The following DNAH3 variants were observed in gnomAD, a reference collection of about 807,000 sequenced individuals.
DNAH3 encodes axonemal beta dynein heavy chain 3.
In DNAH3, 332 loss-of-function variants were observed where a neutral mutation model predicts 432.5. The ratio of observed to expected loss-of-function variants is 0.77; its 90% CI spans 0.70 to 0.84. DNAH3 has a LOEUF of 0.84. Ranked by LOEUF, DNAH3 falls within the 40% of genes least tolerant of loss-of-function variation. The probability of loss-of-function intolerance (pLI) is 0.00; values close to 1 mark genes in which losing one functional copy is unlikely to be tolerated. For synonymous variants in DNAH3, 1,956 were observed against 1,900.2 expected (o/e 1.03, Z -0.76); for missense variants, 4,861 against 5,114.0 (o/e 0.95, Z 1.51).
chr16:21,034,379 G>A (rs555589264), intron 35 of DNAH3, among the ~76,000 whole-genome samples: 1 of 152,238 alleles, frequency 6.6e-6, no homozygotes, highest in South Asian at 2.1e-4. Flanking sequence ...CAATATCATT[G>A]ACCACCTTTT....
intron 15 of DNAH3, 37 bp from the exon 16 acceptor site, chr16:21,104,631 T>C (rs549167988): frequency 3.9e-6 from 5 of 1,284,100 alleles, no homozygotes; most frequent in South Asian, 3.6e-5. Flanking sequence ...GGACACTGTT[T>C]AGCATAGGTC....
chr16:20,964,420 A>T, exon 53 of DNAH3: 1 of 1,614,162 alleles, frequency 6.2e-7, no homozygotes, highest in Non-Finnish European at 8.5e-7. Context: ...ACCCAGCCTC[A>T]TGTACTCAAC....
At chr16:21,129,691 C>T (rs778312115) in intron 7 of DNAH3, among the ~76,000 whole-genome samples, 8 of 151,808 alleles carry the variant, frequency 5.3e-5, no homozygotes, top group Admixed American at 2.0e-4. Context: ...GAGTCGAGAC[C>T]GCACCACTGC....
At chr16:21,098,007 G>C (rs1227064958) in intron 17 of DNAH3, among the ~76,000 whole-genome samples, 2 of 152,174 alleles carry the variant, frequency 1.3e-5, no homozygotes, top group Non-Finnish European at 2.9e-5. Context: ...TATTGCATAT[G>C]AAGCTCTTGA....
chr16:20,938,355 A>G (rs543590409), intron 59 of DNAH3, among the ~76,000 whole-genome samples: 1 of 151,406 alleles, frequency 6.6e-6, no homozygotes, highest in Non-Finnish European at 1.5e-5. Flanking sequence ...ACGCCATTGC[A>G]CTCCAGCCTG....
Position 21,060,370 on chromosome 16 carries a change from C to T in DNAH3, c.3721-14G>A, listed in dbSNP as rs2090302378. The T allele has an allele frequency of 6.2e-7, 1 of 1,609,380 alleles. No homozygotes were observed. Among genetic ancestry groups the T allele is most frequent in the Non-Finnish European group, 8.5e-7 (1 of 1,176,228 alleles). The stretch of plus-strand genomic sequence containing the variant: ...TTCCACCATGCCCTATGGAGCAAGA[C>T]AGAGAGAGGGTGCAGCAGTCAACCA... On this transcript the variant is annotated splice_polypyrimidine_tract_variant and intron_variant, in intron 25 of 61. Coordinates refer to ENST00000261383, the Ensembl canonical transcript of DNAH3.
At position 21,125,372 on chromosome 16, in the gene DNAH3, T is replaced by C; in HGVS notation, c.1209-2A>G. ...AGCTGGGCGCAGGTGGGGATCCACC[T>C]GTAAAGACAGAAGGGTGTCCATGTG... On this transcript the variant is annotated splice_acceptor_variant, in intron 8 of 61. Coordinates refer to ENST00000261383, the Ensembl canonical transcript of DNAH3. LOFTEE classifies it high-confidence loss of function. 6.3e-7 allele frequency: 1 copy of C among 1,591,850 alleles called. No individual in the cohort carries two copies. Among genetic ancestry groups the C allele is most frequent in the African/African-American group, 1.3e-5 (1 of 74,430 alleles).
Position 21,100,292 on chromosome 16 carries a change from G to A in DNAH3, c.2367-1523C>T, listed in dbSNP as rs184305653. Reference sequence around the variant, plus strand: ...TCACCATGTTGGCCAGGCTAGTCTCGAACTCCTGACCTCAGGTGATTCGCC... The same window carrying A: ...TCACCATGTTGGCCAGGCTAGTCTCAAACTCCTGACCTCAGGTGATTCGCC... On this transcript the variant is annotated intron_variant, in intron 16 of 61. Coordinates refer to ENST00000261383, the Ensembl canonical transcript of DNAH3. Among the ~76,000 whole-genome samples the A allele has an allele frequency of 7.2e-3, 1,089 of 152,176 alleles. 16 individuals carry two copies. The highest frequency in any genetic ancestry group is 0.025 in the African/African-American group (1,024 of 41,506).
chr16:20,987,224 A>AG (rs1395618855), intron 47 of DNAH3, 81 bp downstream of exon 47: 1 of 1,553,054 alleles, frequency 6.4e-7, no homozygotes, highest in East Asian at 2.3e-5. Context: ...TCCAACAGGA[A>AG]GGGAACCTGA....
rs550490800 is a variant in DNAH3 at position 21,006,551 on chromosome 16, C to T, written c.6023-3344G>A. Among the ~76,000 whole-genome samples, 3 of 152,326 alleles carry T rather than the reference C, an allele frequency of 2.0e-5. No individual in the cohort carries two copies. The South Asian group carries it at 6.2e-4, about 32-fold the overall frequency. ...CTCTTAGCCGTCACCTGCCAAATCCCTCTCCCACCCACTTCATACCCTGGC... is the reference window on the plus strand; with the variant it reads ...CTCTTAGCCGTCACCTGCCAAATCCTTCTCCCACCCACTTCATACCCTGGC... On this transcript the variant is annotated intron_variant, in intron 41 of 61. Coordinates refer to ENST00000261383, the Ensembl canonical transcript of DNAH3.
At chr16:21,132,769 G>T (rs7185703) in intron 7 of DNAH3, among the ~76,000 whole-genome samples, 208 of 152,256 alleles carry the variant, frequency 1.4e-3, no homozygotes, top group African/African-American at 4.8e-3. Context: ...CTGCTAATGG[G>T]TTTCTTTTTG....
intron 43 of DNAH3, among the ~76,000 whole-genome samples, chr16:20,998,044 A>G (rs1401670286): frequency 6.6e-6 from 1 of 152,090 alleles, no homozygotes; most frequent in Non-Finnish European, 1.5e-5. Flanking sequence ...AAAAACAAAA[A>G]GAAAACAGGC....
At chr16:20,992,763 A>G (rs2086610997) in intron 44 of DNAH3, among the ~76,000 whole-genome samples, 2 of 152,244 alleles carry the variant, frequency 1.3e-5, no homozygotes, top group African/African-American at 4.8e-5. Context: ...GTTCATTGTT[A>G]ATAAGGTGGT....
At chr16:21,064,860 G>GGGGT (rs1199844083) in intron 24 of DNAH3, among the ~76,000 whole-genome samples, 2 of 131,700 alleles carry the variant, frequency 1.5e-5, no homozygotes, top group African/African-American at 5.4e-5. Flanking sequence ...TATTGAGGTA[G>GGGGT]GTGTGTGTGT....
Position 20,935,417 on chromosome 16 carries a change from CAA to C in DNAH3, c.11926_11927del (p.Leu3976AspfsTer16). 1 of 1,611,758 alleles carries C rather than the reference CAA, an allele frequency of 6.2e-7. No homozygotes were observed. The highest frequency in any genetic ancestry group is 8.5e-7 in the Non-Finnish European group (1 of 1,179,416). On this transcript the variant is annotated frameshift_variant, in exon 61 of 62. Coordinates refer to ENST00000261383, the Ensembl canonical transcript of DNAH3. LOFTEE classifies it high-confidence loss of function. ...GGGCATAATTTTGAGAGACGCCAGT[CAA>C]AAAAGACTGTGTGAAGTAGAATCCA... is the stretch of plus-strand genomic sequence containing the variant.
intron 26 of DNAH3, 87 bp downstream of exon 26, chr16:21,060,177 A>C: frequency 2.7e-6 from 3 of 1,110,940 alleles, no homozygotes; most frequent in Non-Finnish European, 4.1e-6. Flanking sequence ...CAGAGGGTCC[A>C]GCCAAACTAC....
intron 51 of DNAH3, among the ~76,000 whole-genome samples, chr16:20,975,024 T>C (rs185213139): frequency 5.7e-4 from 84 of 147,188 alleles, no homozygotes; most frequent in African/African-American, 2.0e-3. Flanking sequence ...AGAGATGAGG[T>C]TTCTTTATGT....
In DNAH3 at chr16:20,973,752, T is replaced by C. The variant is rs1033270424; in HGVS notation, c.8259+1481A>G. ...GAATCACCTTCAAGCGGGTTTCCTC[T>C]AGGTTCCACATTCTGTCATCCAACA... is the stretch of plus-strand genomic sequence containing the variant. On this transcript the variant is annotated intron_variant, in intron 51 of 61. Transcript: ENST00000261383. Among the ~76,000 whole-genome samples the C allele has an allele frequency of 2.0e-5, 3 of 152,226 alleles. No homozygotes were observed. The East Asian group carries it at 5.8e-4, about 29-fold the overall frequency.
chr16:21,079,703 G>A (rs2091111627), intron 20 of DNAH3, among the ~76,000 whole-genome samples: 1 of 152,220 alleles, frequency 6.6e-6, no homozygotes, highest in Non-Finnish European at 1.5e-5. Context: ...TGCAGCATAA[G>A]TGTTCAATAG....
Sources: gnomAD v4.1 joint callset for allele counts (sites outside exome capture counted in the v4.1 genomes callset) on GRCh38, gnomAD v4.1.1 for gene constraint, MANE v1.5 for transcripts, NCBI Gene and HGNC (gene_info 2026-07-23, HGNC 2026-07-21) for gene names.